Variants in LOXL1 observed in about 807,000 individuals in gnomAD.
LOXL1 encodes the protein lysyl oxidase homolog 1.
LOXL1 carries 31 observed loss-of-function variants against 62.2 expected under a neutral mutation model. That is an observed-to-expected ratio of 0.50 (90% confidence interval 0.37 to 0.67). LOXL1 has a LOEUF of 0.67. Among genes scored for constraint, LOXL1 ranks in the 30% least tolerant of loss-of-function variants. The pLI is 0.00. For missense variants in LOXL1, 775 were observed against 843.4 expected (o/e 0.92, Z 1.00); for synonymous variants, 403 against 384.4 (o/e 1.05, Z -0.56).
intron 1 of LOXL1, chr15:73,941,942 C>A: frequency 7.3e-6 from 2 of 272,120 alleles, no homozygotes; most frequent in South Asian, 2.9e-5. Context: ...ACGGACAGGC[C>A]CCGGGCTCTG....
chr15:73,941,522 C>G (rs1315281560), intron 1 of LOXL1, among the ~76,000 whole-genome samples: 1 of 152,162 alleles, frequency 6.6e-6, no homozygotes, highest in African/African-American at 2.4e-5. Context: ...GTGGGAAATC[C>G]CTCCATGGGA....
At chr15:73,940,456 T>G (rs908566625) in intron 1 of LOXL1, among the ~76,000 whole-genome samples, 5 of 151,854 alleles carry the variant, frequency 3.3e-5, no homozygotes, top group Admixed American at 6.6e-5. Flanking sequence ...AATTCCTGTT[T>G]TTTTTTTTTT....
chr15:73,937,148 C>T (rs1350963964), intron 1 of LOXL1, among the ~76,000 whole-genome samples: 3 of 152,154 alleles, frequency 2.0e-5, no homozygotes, highest in Non-Finnish European at 2.9e-5. Flanking sequence ...TTCCCGAGGG[C>T]GGGCACGGGA....
At chr15:73,933,994 A>G (rs1039876323) in intron 1 of LOXL1, among the ~76,000 whole-genome samples, 17 of 152,368 alleles carry the variant, frequency 1.1e-4, no homozygotes, top group South Asian at 1.0e-3. Flanking sequence ...ATGGGCACCC[A>G]GAAACCAGGC....
chr15:73,946,577 C>G, intron 3 of LOXL1, 23 bp downstream of exon 3: 1 of 1,586,164 alleles, frequency 6.3e-7, no homozygotes, highest in Non-Finnish European at 8.6e-7. Flanking sequence ...GGGCTGGGCC[C>G]GTCCTCTTCC....
At position 73,927,417 on chromosome 15, in the gene LOXL1, G is replaced by A. The variant is rs374905538; in HGVS notation, c.634G>A (p.Val212Met). The change falls in exon 1 of 7, where the codon GTG becomes ATG. Residue 212 changes from valine to methionine, a missense_variant. Coordinates refer to ENST00000261921, the MANE Select transcript of LOXL1 (RefSeq NM_005576.4). ...FVYYRPAGGG[V>M]GAGAAAVASA... ...GTACTACCGGCCCGCGGGCGGCGGC[G>A]TGGGCGCGGGGGCGGCGGCCGTGGC... 61 of 1,524,328 alleles carry A rather than the reference G, an allele frequency of 4.0e-5. No individual in the cohort carries two copies. In the African/African-American group the frequency reaches 7.3e-4, roughly 18 times the overall value. The allele number at this position is 1,524,328 out of a possible 1,614,324, so 94.4% of individuals were successfully genotyped here. A position where few individuals can be genotyped will look rare whatever the true frequency, so the allele number is the denominator to read the frequency against.
In LOXL1 at chr15:73,927,561, G is replaced by T; in HGVS notation, c.778G>T (p.Val260Leu). 6.8e-7 allele frequency: 1 copy of T among 1,479,468 alleles called. No homozygotes were observed. Among genetic ancestry groups the T allele is most frequent in the Non-Finnish European group, 8.9e-7 (1 of 1,118,846 alleles). 91.6% of individuals were successfully genotyped at this position (1,479,468 alleles called of 1,614,324 possible). Residue 260 changes from valine (V) to leucine (L), a missense_variant, in exon 1 of 7, where the codon GTG becomes TTG. Coordinates refer to ENST00000261921, the MANE Select transcript of LOXL1 (RefSeq NM_005576.4). ...CTACCCGGCCCCCGAGAGGCCCTAC[G>T]TGCCGCCGCCGCCGCCGCCCCCCGA... Reference protein sequence around the residue: ...GFYPAPERPYVPPPPPPPDGL... With the variant: ...GFYPAPERPYLPPPPPPPDGL...
In LOXL1 at chr15:73,951,384, G is replaced by A. The variant is rs182978216; in HGVS notation, c.1719-447G>A. 4.0e-3 allele frequency among the ~76,000 whole-genome samples: 607 copies of A among 152,260 alleles called. 1 individual carries two copies. Among genetic ancestry groups the A allele is most frequent in the African/African-American group, 0.014 (568 of 41,560 alleles). Reference sequence around the variant, plus strand: ...GCCTTATTAGAGTGTCTCAGTCTCTGTGACCCTGACCGCAGGCAGGCAGCT... The same window carrying A: ...GCCTTATTAGAGTGTCTCAGTCTCTATGACCCTGACCGCAGGCAGGCAGCT... On this transcript the variant is annotated intron_variant, in intron 6 of 6. Transcript: ENST00000261921.
intron 1 of LOXL1, among the ~76,000 whole-genome samples, chr15:73,937,330 C>T (rs1433265341): frequency 6.6e-6 from 1 of 152,196 alleles, no homozygotes; most frequent in Non-Finnish European, 1.5e-5. Context: ...TCTGTCTTCT[C>T]GGCTCCGTGT....
In LOXL1 at chr15:73,947,831, A is replaced by T; in HGVS notation, c.1531A>T (p.Thr511Ser). The change falls in exon 5 of 7, where the codon ACC (threonine) becomes TCC (serine). Residue 511 changes from threonine to serine, a missense_variant. By Grantham distance (58) the Thr-to-Ser change is moderately conservative. Transcript: ENST00000261921. ...GGGCCTGAGCCCAGGCTGCTATGAC[A>T]CCTACAATGCGGACATCGACTGCCA... is the stretch of plus-strand genomic sequence containing the variant. Reference protein sequence around the residue: ...TQGLSPGCYDTYNADIDCQWI... With the variant: ...TQGLSPGCYDSYNADIDCQWI... The T allele has an allele frequency of 1.2e-6, 2 of 1,613,350 alleles. No individual in the cohort carries two copies. The highest frequency in any genetic ancestry group is 1.7e-6 in the Non-Finnish European group (2 of 1,179,492).
chr15:73,931,047 CCTGGAGTTT>C (rs2068631791), intron 1 of LOXL1, among the ~76,000 whole-genome samples: 1 of 150,014 alleles, frequency 6.7e-6, no homozygotes, highest in African/African-American at 2.5e-5. Context: ...CTCCTGCCTC[CCTGGAGTTT>C]CAGCTTGTCT....
At chr15:73,944,620 C>T (rs544991723) in intron 2 of LOXL1, among the ~76,000 whole-genome samples, 23 of 152,154 alleles carry the variant, frequency 1.5e-4, no homozygotes, top group Non-Finnish European at 2.9e-4. Context: ...AAGTATGGGC[C>T]GCAGGCTGGT....
At chr15:73,928,881 A>G (rs2068614744) in intron 1 of LOXL1, among the ~76,000 whole-genome samples, 2 of 151,728 alleles carry the variant, frequency 1.3e-5, no homozygotes, top group Non-Finnish European at 2.9e-5. Context: ...AAAAAAAAAA[A>G]AAACACCTCA....
intron 5 of LOXL1, among the ~76,000 whole-genome samples, chr15:73,949,091 A>T: frequency 6.6e-6 from 1 of 152,126 alleles, no homozygotes; most frequent in East Asian, 1.9e-4. Flanking sequence ...ATGCATAGGG[A>T]ATGACTTTGA....
Position 73,927,192 on chromosome 15 carries a change from A to G in LOXL1, c.409A>G (p.Thr137Ala), listed in dbSNP as rs759792984. 4 of 1,573,914 alleles carry G rather than the reference A, an allele frequency of 2.5e-6. No homozygotes were observed. Among genetic ancestry groups the G allele is most frequent in the African/African-American group, 1.4e-5 (1 of 71,650 alleles). The change falls in exon 1 of 7, where the codon ACG becomes GCG. Residue 137 changes from threonine to alanine, a missense_variant. Physicochemically the swap from Thr to Ala is moderately conservative, Grantham distance 58. Transcript: ENST00000261921. ...GCGCGAGGTGGCCGTCGGGGACAGCACGGGCATGGCCCGGGCCCGCACCTC... is the reference window on the plus strand; with the variant it reads ...GCGCGAGGTGGCCGTCGGGGACAGCGCGGGCATGGCCCGGGCCCGCACCTC... ...NWREVAVGDS[T>A]GMARARTSVS...
chr15:73,939,218 C>T (rs1047273554), intron 1 of LOXL1, among the ~76,000 whole-genome samples: 8 of 152,182 alleles, frequency 5.3e-5, no homozygotes, highest in South Asian at 4.1e-4. Context: ...TGGCTGCTGA[C>T]GAAATGTCCC....
chr15:73,937,106 C>G (rs1345640070), intron 1 of LOXL1, among the ~76,000 whole-genome samples: 1 of 152,180 alleles, frequency 6.6e-6, no homozygotes, highest in African/African-American at 2.4e-5. Flanking sequence ...TGCATCCCAC[C>G]AGGGAAGGGG....
In LOXL1 at chr15:73,949,546, G is replaced by A. The variant is rs1050315155; in HGVS notation, c.1690G>A (p.Val564Ile). The A allele has an allele frequency of 1.9e-6, 3 of 1,613,818 alleles. No individual in the cohort carries two copies. The highest frequency in any genetic ancestry group is 4.5e-5 in the East Asian group (2 of 44,902). The change falls in exon 6 of 7, where the codon GTT (valine) becomes ATT (isoleucine). Residue 564 changes from valine to isoleucine, a missense_variant. By Grantham distance (29) the Val-to-Ile change is conservative (BLOSUM62 3). Transcript: ENST00000261921. The stretch of plus-strand genomic sequence containing the variant: ...CAACATTCACTACACAGGTCGCTAC[G>A]TTTCTGCAACAAACTGCAAAATTGT... ...RCNIHYTGRY[V>I]SATNCKIVQS
intron 1 of LOXL1, among the ~76,000 whole-genome samples, chr15:73,928,574 A>G (rs1387100528): frequency 7.0e-6 from 1 of 143,726 alleles, no homozygotes; most frequent in African/African-American, 2.6e-5. Flanking sequence ...TAATATTGAG[A>G]TGTATTTTTT....
Sources: allele counts gnomAD v4.1 joint callset (sites outside exome capture counted in the v4.1 genomes callset), GRCh38; gene constraint gnomAD v4.1.1; transcripts MANE v1.5; gene names NCBI Gene and HGNC (gene_info 2026-07-23, HGNC 2026-07-21).